GRID2: variants seen among roughly 807,000 people sequenced by gnomAD.
GRID2 encodes glutamate ionotropic receptor delta type subunit 2, also known as glutamate receptor ionotropic, delta-2.
Under a neutral mutation model 114.8 loss-of-function variants are expected in GRID2, and 33 were observed. The observed-to-expected ratio is 0.29, with a 90% CI of 0.22 to 0.38. GRID2 has a LOEUF of 0.38. Ranked by LOEUF, GRID2 falls within the 10% of genes least tolerant of loss-of-function variation. GRID2 has a pLI of 1.00. For synonymous variants in GRID2, 505 were observed against 449.9 expected (o/e 1.12, Z -1.55); for missense variants, 1,184 against 1,257.7 (o/e 0.94, Z 0.89).
chr4:92,675,030 G>A (rs1733276606), intron 2 of GRID2, among the ~76,000 whole-genome samples: 1 of 152,140 alleles, frequency 6.6e-6, no homozygotes, highest in Non-Finnish European at 1.5e-5. Flanking sequence ...TTGGGGCCAT[G>A]TTGGTGAGCA....
At chr4:93,045,687 G>A (rs1726062636) in intron 2 of GRID2, among the ~76,000 whole-genome samples, 1 of 152,116 alleles carries the variant, frequency 6.6e-6, no homozygotes, top group Non-Finnish European at 1.5e-5. Context: ...ACTGGGGCCT[G>A]TCCAGCATCT....
chr4:93,052,061 A>G (rs1726772354), intron 2 of GRID2, among the ~76,000 whole-genome samples: 1 of 152,166 alleles, frequency 6.6e-6, no homozygotes, highest in African/African-American at 2.4e-5. Flanking sequence ...TCAGTCTAGA[A>G]TATAATCAAC....
intron 14 of GRID2, among the ~76,000 whole-genome samples, chr4:93,750,353 C>T (rs1217592371): frequency 6.6e-6 from 1 of 152,164 alleles, no homozygotes; most frequent in Non-Finnish European, 1.5e-5. Flanking sequence ...CAGACACCAA[C>T]CCAAAAATAG....
intron 13 of GRID2, among the ~76,000 whole-genome samples, chr4:93,581,445 T>A (rs546697771): frequency 6.6e-5 from 10 of 152,258 alleles, no homozygotes; most frequent in Non-Finnish European, 1.2e-4. Context: ...TCCGTAAATA[T>A]GTTATAGTAA....
intron 13 of GRID2, among the ~76,000 whole-genome samples, chr4:93,558,247 C>A (rs1734517550): frequency 1.3e-5 from 2 of 151,982 alleles, no homozygotes; most frequent in South Asian, 4.2e-4. Flanking sequence ...CAGAGCACAA[C>A]TGAAGGAGAA....
chr4:92,898,254 T>C (rs1038332797), intron 2 of GRID2, among the ~76,000 whole-genome samples: 10 of 152,258 alleles, frequency 6.6e-5, no homozygotes, highest in African/African-American at 2.2e-4. Context: ...AATGAGAACA[T>C]AAACATTTAG....
intron 8 of GRID2, among the ~76,000 whole-genome samples, chr4:93,339,834 C>A (rs566728673): frequency 6.0e-4 from 91 of 151,854 alleles, no homozygotes; most frequent in African/African-American, 2.1e-3. Flanking sequence ...AAGCAAGGCA[C>A]CTTCTTCACA....
intron 13 of GRID2, among the ~76,000 whole-genome samples, chr4:93,548,597 T>C (rs1291955741): frequency 6.6e-6 from 1 of 152,194 alleles, no homozygotes; most frequent in Non-Finnish European, 1.5e-5. Flanking sequence ...AAGACAGTCA[T>C]AGTATATAAA....
At chr4:93,265,053 T>C (rs1162157875) in intron 8 of GRID2, among the ~76,000 whole-genome samples, 2 of 151,784 alleles carry the variant, frequency 1.3e-5, no homozygotes, top group African/African-American at 4.8e-5. Context: ...AGTGCGGGGA[T>C]TACAGGCATG....
Position 93,677,213 on chromosome 4 carries a change from G to A in GRID2, c.2360+50778G>A, listed in dbSNP as rs1469473081. On this transcript the variant is annotated intron_variant, in intron 14 of 15. Coordinates refer to ENST00000282020, the MANE Select transcript of GRID2 (RefSeq NM_001510.4). Reference sequence around the variant, plus strand: ...TCTGAGATCAAACTGCAAGGTGGCAGTGAGGCTGGGGGAGGGGCGCCCGCC... The same window carrying A: ...TCTGAGATCAAACTGCAAGGTGGCAATGAGGCTGGGGGAGGGGCGCCCGCC... Among the ~76,000 whole-genome samples, 3 of 152,218 alleles carry A rather than the reference G, an allele frequency of 2.0e-5. No individual in the cohort carries two copies. In the East Asian group the frequency reaches 5.8e-4, roughly 29 times the overall value.
chr4:93,804,746 C>T (rs1252302922), intron 1 of GRID2, among the ~76,000 whole-genome samples: 1 of 152,124 alleles, frequency 6.6e-6, no homozygotes, highest in African/African-American at 2.4e-5. Context: ...AGTCACAGGG[C>T]CCCTCAAGTA....
chr4:92,327,189 G>A lies in GRID2; in HGVS notation c.88+22445G>A, dbSNP rs1239196854. ...GGTAGCTTTTGCTGCATCACACAAT[G>A]TCAGTGATTACTCTGAAATCACTAA... On this transcript the variant is annotated intron_variant, in intron 1 of 15. Coordinates refer to ENST00000282020, the MANE Select transcript of GRID2 (RefSeq NM_001510.4). Among the ~76,000 whole-genome samples the A allele has an allele frequency of 2.0e-5, 3 of 151,960 alleles. No homozygotes were observed. In the East Asian group the frequency reaches 5.8e-4, roughly 29 times the overall value.
At chr4:93,287,065 TC>T (rs1335694103) in intron 8 of GRID2, among the ~76,000 whole-genome samples, 2 of 152,056 alleles carry the variant, frequency 1.3e-5, no homozygotes, top group African/African-American at 2.4e-5. Flanking sequence ...AGTAGATAAC[TC>T]AGTAAAAATT....
intron 13 of GRID2, among the ~76,000 whole-genome samples, chr4:93,516,875 G>C (rs923842260): frequency 1.1e-4 from 17 of 152,016 alleles, no homozygotes; most frequent in Non-Finnish European, 2.5e-4. Flanking sequence ...GAAATTTATA[G>C]TTCATATTTC....
At chr4:92,494,350 C>G (rs959090169) in intron 1 of GRID2, among the ~76,000 whole-genome samples, 1 of 151,820 alleles carries the variant, frequency 6.6e-6, no homozygotes, top group Non-Finnish European at 1.5e-5. Context: ...TAGTAATACA[C>G]TTTTACATGT....
intron 14 of GRID2, among the ~76,000 whole-genome samples, chr4:93,651,749 A>AT (rs1464536871): frequency 1.3e-5 from 2 of 152,150 alleles, no homozygotes; most frequent in Non-Finnish European, 2.9e-5. Context: ...GAGATAGAAA[A>AT]ATATATATAC....
intron 2 of GRID2, among the ~76,000 whole-genome samples, chr4:92,756,405 G>A (rs1259508606): frequency 1.3e-5 from 2 of 151,968 alleles, no homozygotes; most frequent in Non-Finnish European, 2.9e-5. Context: ...TAAACATAGG[G>A]GTGCATGTAT....
At chr4:93,210,416 T>G (rs1423950321) in intron 5 of GRID2, among the ~76,000 whole-genome samples, 1 of 152,144 alleles carries the variant, frequency 6.6e-6, no homozygotes, top group Non-Finnish European at 1.5e-5. Context: ...CAGCCTTATA[T>G]CTGGGCAATC....
At chr4:92,694,488 C>T (rs1734336056) in intron 2 of GRID2, among the ~76,000 whole-genome samples, 1 of 152,162 alleles carries the variant, frequency 6.6e-6, no homozygotes, top group Admixed American at 6.5e-5. Flanking sequence ...TGGGCTGCCT[C>T]TCCAGTCTGT....
Sources: allele counts gnomAD v4.1 joint callset (sites outside exome capture counted in the v4.1 genomes callset), GRCh38; gene constraint gnomAD v4.1.1; transcripts MANE v1.5; gene names NCBI Gene and HGNC (gene_info 2026-07-23, HGNC 2026-07-21).